The following NRXN3 variants were observed in gnomAD, a reference collection of about 807,000 sequenced individuals.
NRXN3 encodes neurexin III.
In NRXN3, 32 loss-of-function variants were observed where a neutral mutation model predicts 137.6. The ratio of observed to expected loss-of-function variants is 0.23; its 90% CI spans 0.18 to 0.31. The LOEUF is 0.31. Ranked by LOEUF, NRXN3 falls within the 10% of genes least tolerant of loss-of-function variation. The probability of loss-of-function intolerance (pLI) is 1.00; values close to 1 mark genes in which losing one functional copy is unlikely to be tolerated. For synonymous variants in NRXN3, 798 were observed against 784.5 expected (o/e 1.02, Z -0.29); for missense variants, 1,574 against 2,062.5 (o/e 0.76, Z 4.59).
At chr14:78,451,446 T>C (rs907787580) in intron 4 of NRXN3, among the ~76,000 whole-genome samples, 2 of 152,212 alleles carry the variant, frequency 1.3e-5, no homozygotes, top group Non-Finnish European at 2.9e-5. Context: ...TAAATTTAGT[T>C]CCATTCTGTG....
At chr14:78,669,706 A>G (rs1025629502) in intron 6 of NRXN3, among the ~76,000 whole-genome samples, 4 of 152,006 alleles carry the variant, frequency 2.6e-5, no homozygotes, top group African/African-American at 9.7e-5. Context: ...GGAACTGAGG[A>G]TTCCTCTCCT....
At chr14:79,136,872 A>C (rs1280420082) in intron 15 of NRXN3, among the ~76,000 whole-genome samples, 3 of 152,250 alleles carry the variant, frequency 2.0e-5, no homozygotes, top group Non-Finnish European at 2.9e-5. Context: ...TTAGTCATCC[A>C]TACTTTTCTG....
At chr14:78,529,096 G>A (rs1258008986) in intron 4 of NRXN3, among the ~76,000 whole-genome samples, 1 of 152,128 alleles carries the variant, frequency 6.6e-6, no homozygotes, top group Non-Finnish European at 1.5e-5. Context: ...AATAATAGGA[G>A]AGACAAACGT....
intron 19 of NRXN3, among the ~76,000 whole-genome samples, chr14:79,773,778 T>A (rs1400524936): frequency 7.6e-6 from 1 of 131,692 alleles, no homozygotes; most frequent in Non-Finnish European, 1.6e-5. Context: ...TAGAGTATAA[T>A]AATGATAAAT....
rs138667959 is a variant in NRXN3 at position 79,834,973 on chromosome 14, C to G, written c.4094-26369C>G. On this transcript the variant is annotated intron_variant, in intron 20 of 20. Coordinates refer to ENST00000335750, the MANE Select transcript of NRXN3 (RefSeq NM_001330195.2). ...CGCCACCCCAACCCTAATAGCCTCT[C>G]ATAACCACCGTTCTACTCTACTTCT... Among the ~76,000 whole-genome samples the G allele has an allele frequency of 4.4e-3, 663 of 152,190 alleles. 8 individuals are homozygous for G. Among genetic ancestry groups the G allele is most frequent in the African/African-American group, 0.015 (631 of 41,548 alleles).
chr14:79,082,571 A>ATCTCC (rs2047275407), intron 15 of NRXN3, among the ~76,000 whole-genome samples: 1 of 152,174 alleles, frequency 6.6e-6, no homozygotes, highest in African/African-American at 2.4e-5. Context: ...GTTACAGATT[A>ATCTCC]TCTCCAGTCT....
At chr14:78,813,331 T>A (rs564390416) in intron 10 of NRXN3, among the ~76,000 whole-genome samples, 2 of 152,308 alleles carry the variant, frequency 1.3e-5, no homozygotes, top group East Asian at 3.9e-4. Context: ...TAGCTTGACC[T>A]GTTACAGGAT....
At chr14:78,412,641 A>G (rs1203335224) in intron 4 of NRXN3, among the ~76,000 whole-genome samples, 1 of 152,144 alleles carries the variant, frequency 6.6e-6, no homozygotes, top group Non-Finnish European at 1.5e-5. Flanking sequence ...CCAGCCAGTA[A>G]GGGGAAGGGT....
chr14:78,821,926 A>G (rs1371305485), intron 10 of NRXN3, among the ~76,000 whole-genome samples: 1 of 152,166 alleles, frequency 6.6e-6, no homozygotes. Context: ...TAGAAAAGCC[A>G]GATATGGTAA....
At chr14:78,530,897 A>AT (rs980071536) in intron 4 of NRXN3, among the ~76,000 whole-genome samples, 37 of 151,986 alleles carry the variant, frequency 2.4e-4, no homozygotes, top group Admixed American at 1.7e-3. Flanking sequence ...CTAAGAACTC[A>AT]TTTTTTCCCC....
intron 8 of NRXN3, among the ~76,000 whole-genome samples, chr14:78,730,913 G>T (rs541014802): frequency 1.3e-5 from 2 of 152,282 alleles, no homozygotes; most frequent in Admixed American, 6.5e-5. Context: ...TGATGGTGGT[G>T]GCGTGATGGT....
intron 17 of NRXN3, among the ~76,000 whole-genome samples, chr14:79,668,020 A>ATCTT (rs2098577201): frequency 6.6e-6 from 1 of 151,924 alleles, no homozygotes; most frequent in Non-Finnish European, 1.5e-5. Context: ...CACAGCTTCA[A>ATCTT]TCTTTGTATG....
At chr14:79,063,102 T>C (rs899742349) in intron 15 of NRXN3, among the ~76,000 whole-genome samples, 1 of 152,156 alleles carries the variant, frequency 6.6e-6, no homozygotes, top group Non-Finnish European at 1.5e-5. Context: ...CATTTGCATA[T>C]GGTTTTGTTT....
chr14:78,434,546 C>T (rs2093997905), intron 4 of NRXN3, among the ~76,000 whole-genome samples: 1 of 152,140 alleles, frequency 6.6e-6, no homozygotes, highest in Non-Finnish European at 1.5e-5. Context: ...CAATTAAACT[C>T]ATAGCACCAT....
chr14:79,514,207 A>G (rs1477630117), intron 16 of NRXN3, among the ~76,000 whole-genome samples: 4 of 146,732 alleles, frequency 2.7e-5, no homozygotes, highest in African/African-American at 5.0e-5. Context: ...TCCCCACCAT[A>G]GCATTTCTGC....
chr14:78,771,546 G>C (rs1337418618), intron 8 of NRXN3, among the ~76,000 whole-genome samples: 4 of 152,156 alleles, frequency 2.6e-5, no homozygotes, highest in Non-Finnish European at 4.4e-5. Flanking sequence ...GGTCAGAATT[G>C]GGGAGGTAAA....
chr14:78,901,396 A>C (rs901404663), intron 10 of NRXN3, among the ~76,000 whole-genome samples: 1 of 151,848 alleles, frequency 6.6e-6, no homozygotes, highest in Non-Finnish European at 1.5e-5. Context: ...CCCCAACTAG[A>C]CAGTGTTTTC....
At chr14:79,824,428 G>C (rs898297973) in intron 20 of NRXN3, among the ~76,000 whole-genome samples, 1 of 151,476 alleles carries the variant, frequency 6.6e-6, no homozygotes, top group African/African-American at 2.4e-5. Context: ...TGCATCTTAC[G>C]ACTATAGTCC....
In NRXN3 at chr14:78,333,266, T is replaced by C. The variant is rs2081052191; in HGVS notation, c.757+35406T>C. On this transcript the variant is annotated intron_variant, in intron 4 of 20. Coordinates refer to ENST00000335750, the MANE Select transcript of NRXN3 (RefSeq NM_001330195.2). ...AGGGTAAAGGAATTATTGGGAAATA[T>C]ACAGTAAGGGAGGCCTGTGAGGTCA... 2.0e-5 allele frequency among the ~76,000 whole-genome samples: 3 copies of C among 152,114 alleles called. No homozygotes were observed. In the South Asian group the frequency reaches 6.2e-4, roughly 32 times the overall value.
Sources: allele counts gnomAD v4.1 joint callset (sites outside exome capture counted in the v4.1 genomes callset), GRCh38; gene constraint gnomAD v4.1.1; transcripts MANE v1.5; gene names NCBI Gene and HGNC (gene_info 2026-07-23, HGNC 2026-07-21).